The following GARRE1 variants were observed in gnomAD, a reference collection of about 807,000 sequenced individuals.
GARRE1 encodes granule associated Rac and RHOG effector protein 1.
In GARRE1, 49 loss-of-function variants were observed where a neutral mutation model predicts 103.2. The observed-to-expected ratio is 0.47, with a 90% confidence interval of 0.38 to 0.60. The LOEUF is 0.60. Ranked by LOEUF, GARRE1 falls within the 20% of genes least tolerant of loss-of-function variation. GARRE1 has a pLI of 0.00. For missense variants in GARRE1, 1,199 were observed against 1,370.5 expected (o/e 0.87, Z 1.98); for synonymous variants, 505 against 532.8 (o/e 0.95, Z 0.72).
chr19:34,288,569 C>G (rs908240558), intron 1 of GARRE1, among the ~76,000 whole-genome samples: 1 of 152,192 alleles, frequency 6.6e-6, no homozygotes, highest in African/African-American at 2.4e-5. Flanking sequence ...TGTATTTTCC[C>G]CTACATTTCT....
intron 1 of GARRE1, among the ~76,000 whole-genome samples, chr19:34,266,946 T>G (rs1363375095): frequency 6.6e-6 from 1 of 152,114 alleles, no homozygotes; most frequent in Non-Finnish European, 1.5e-5. Flanking sequence ...TGCAAAGTTG[T>G]TAAGAGTGGC....
In GARRE1 at chr19:34,282,094, C is replaced by T. The variant is rs557272742; in HGVS notation, c.-795-17585C>T. Reference sequence around the variant, plus strand: ...CGTTTTTATCTTGGCAATCATATTTCTTATTTCCAAGAATTCATTGTTGAT... The same window carrying T: ...CGTTTTTATCTTGGCAATCATATTTTTTATTTCCAAGAATTCATTGTTGAT... On this transcript the variant is annotated intron_variant, in intron 1 of 13. Coordinates refer to ENST00000299505, the MANE Select transcript of GARRE1 (RefSeq NM_014686.5). 2.0e-5 allele frequency among the ~76,000 whole-genome samples: 3 copies of T among 152,200 alleles called. No homozygotes were observed. The South Asian group carries it at 6.2e-4, about 32-fold the overall frequency.
chr19:34,330,378 A>G, intron 7 of GARRE1, 31 bp downstream of exon 7: 2 of 1,607,408 alleles, frequency 1.2e-6, no homozygotes, highest in South Asian at 1.1e-5. Context: ...GATGATAGGT[A>G]GAATACCAAG....
intron 2 of GARRE1, among the ~76,000 whole-genome samples, chr19:34,309,655 T>C (rs2074027779): frequency 1.3e-5 from 2 of 152,154 alleles, no homozygotes; most frequent in Admixed American, 1.3e-4. Context: ...ATTGAAGTGT[T>C]TTGATGGGTA....
At chr19:34,256,349 T>TA (rs774390659) in intron 1 of GARRE1, among the ~76,000 whole-genome samples, 38 of 151,276 alleles carry the variant, frequency 2.5e-4, no homozygotes, top group Non-Finnish European at 4.3e-4. Flanking sequence ...CGGATTCAAC[T>TA]AAAAAAATAC....
chr19:34,262,407 T>C (rs1055845414), intron 1 of GARRE1, among the ~76,000 whole-genome samples: 6 of 148,686 alleles, frequency 4.0e-5, no homozygotes, highest in African/African-American at 1.5e-4. Context: ...GCAATTCTCC[T>C]GCCTTGGCCT....
chr19:34,301,812 A>G (rs1292077067), intron 2 of GARRE1, among the ~76,000 whole-genome samples: 1 of 149,308 alleles, frequency 6.7e-6, no homozygotes, highest in Non-Finnish European at 1.5e-5. Context: ...CCTCCCTAGT[A>G]GCTGGGACTA....
At chr19:34,326,105 A>G (rs2074110661) in intron 3 of GARRE1, among the ~76,000 whole-genome samples, 1 of 152,226 alleles carries the variant, frequency 6.6e-6, no homozygotes, top group Admixed American at 6.5e-5. Context: ...CACGTACCTA[A>G]CATACCACCT....
intron 1 of GARRE1, among the ~76,000 whole-genome samples, chr19:34,266,471 C>A (rs1482619083): frequency 2.0e-5 from 3 of 152,192 alleles, no homozygotes; most frequent in African/African-American, 7.2e-5. Flanking sequence ...AAGCGATTCC[C>A]CTGCCTCAGC....
chr19:34,344,467 T>G (rs1449607253), intron 10 of GARRE1, among the ~76,000 whole-genome samples: 1 of 149,996 alleles, frequency 6.7e-6, no homozygotes, highest in Admixed American at 6.6e-5. Context: ...GGCGGGCGCC[T>G]GTAGTCCCAG....
intron 1 of GARRE1, among the ~76,000 whole-genome samples, chr19:34,263,845 G>C (rs1368551623): frequency 6.6e-6 from 1 of 152,180 alleles, no homozygotes; most frequent in Non-Finnish European, 1.5e-5. Context: ...CATGGCTGTT[G>C]TGTAGAGTGA....
intron 7 of GARRE1, among the ~76,000 whole-genome samples, chr19:34,330,933 T>C (rs2074135046): frequency 6.7e-6 from 1 of 149,982 alleles, no homozygotes; most frequent in Admixed American, 6.7e-5. Context: ...GGAGTCTCGC[T>C]GTGTTGCACA....
chr19:34,268,376 G>C (rs1039384445), intron 1 of GARRE1, among the ~76,000 whole-genome samples: 3 of 151,746 alleles, frequency 2.0e-5, no homozygotes, highest in Non-Finnish European at 4.4e-5. Flanking sequence ...CCCTTTTTTC[G>C]TTGTTTCTTC....
intron 1 of GARRE1, among the ~76,000 whole-genome samples, chr19:34,269,989 T>A (rs1390578118): frequency 1.3e-5 from 2 of 152,216 alleles, no homozygotes; most frequent in Admixed American, 1.3e-4. Flanking sequence ...AAAGTGTCAC[T>A]TCTTTTCCTC....
chr19:34,278,444 C>CA (rs71165640), intron 1 of GARRE1, among the ~76,000 whole-genome samples: 1,702 of 56,966 alleles, frequency 0.03, 37 homozygotes, highest in Non-Finnish European at 0.042. Context: ...GACTCCATCT[C>CA]AAAAAAAAAA....
chr19:34,331,647 C>T (rs1170661090), intron 7 of GARRE1, among the ~76,000 whole-genome samples: 1 of 152,078 alleles, frequency 6.6e-6, no homozygotes, highest in Non-Finnish European at 1.5e-5. Flanking sequence ...GCATCACTGA[C>T]CCATAGAATC....
At chr19:34,281,954 A>G (rs1315865813) in intron 1 of GARRE1, among the ~76,000 whole-genome samples, 1 of 152,108 alleles carries the variant, frequency 6.6e-6, no homozygotes, top group Non-Finnish European at 1.5e-5. Flanking sequence ...GTAGGTAAAC[A>G]TCTTTGTTGG....
intron 2 of GARRE1, among the ~76,000 whole-genome samples, chr19:34,311,403 T>C (rs918077235): frequency 6.6e-6 from 1 of 152,094 alleles, no homozygotes; most frequent in African/African-American, 2.4e-5. Context: ...TCCTCCAATT[T>C]TCTACCGTCT....
intron 3 of GARRE1, 40 bp from the exon 4 acceptor site, chr19:34,327,381 A>G (rs1388793185): frequency 6.2e-7 from 1 of 1,603,928 alleles, no homozygotes; most frequent in African/African-American, 1.3e-5. Context: ...CTAGAACTGT[A>G]CCACCCTCTT....
Sources: allele counts gnomAD v4.1 joint callset (sites outside exome capture counted in the v4.1 genomes callset), GRCh38; gene constraint gnomAD v4.1.1; transcripts MANE v1.5; gene names NCBI Gene and HGNC (gene_info 2026-07-23, HGNC 2026-07-21).